Variants in PRKG1 observed in about 807,000 individuals in gnomAD.
PRKG1 encodes cGMP-dependent protein kinase 1.
In PRKG1, 35 loss-of-function variants were observed where a neutral mutation model predicts 88.1. That is an observed-to-expected ratio of 0.40 (90% confidence interval 0.30 to 0.53). PRKG1 has a LOEUF of 0.53. Among genes scored for constraint, PRKG1 ranks in the 20% least tolerant of loss-of-function variants. The pLI, the probability that PRKG1 is intolerant of heterozygous loss-of-function variation, is 0.59. For missense variants in PRKG1, 540 were observed against 839.8 expected, an observed-to-expected ratio of 0.64 and a Z score of 4.41; for synonymous variants, 303 against 292.5, an observed-to-expected ratio of 1.04 and a Z score of -0.37.
intron 2 of PRKG1, among the ~76,000 whole-genome samples, chr10:51,313,309 C>G (rs180993166): frequency 1.3e-5 from 2 of 152,128 alleles, no homozygotes; most frequent in African/African-American, 4.8e-5. Flanking sequence ...ATCTATTCCC[C>G]TTTCTAGATG....
chr10:51,316,241 T>A (rs1192493006), intron 2 of PRKG1, among the ~76,000 whole-genome samples: 1 of 152,252 alleles, frequency 6.6e-6, no homozygotes, highest in Non-Finnish European at 1.5e-5. Context: ...TATGAGATAC[T>A]ACTTTGATTG....
chr10:52,226,770 A>G (rs1246320231), intron 9 of PRKG1, among the ~76,000 whole-genome samples: 1 of 142,872 alleles, frequency 7.0e-6, no homozygotes, highest in Admixed American at 7.0e-5. Context: ...TGTATATATC[A>G]CAAAGGAACA....
intron 9 of PRKG1, among the ~76,000 whole-genome samples, chr10:52,196,987 ATAG>A (rs1200427639): frequency 2.0e-5 from 3 of 152,206 alleles, no homozygotes; most frequent in Admixed American, 6.5e-5. Context: ...AATAATAATA[ATAG>A]TAGCCACAAT....
intron 14 of PRKG1, among the ~76,000 whole-genome samples, chr10:52,284,645 G>A (rs1471769015): frequency 1.3e-5 from 2 of 151,988 alleles, no homozygotes; most frequent in Non-Finnish European, 2.9e-5. Flanking sequence ...AAAGTATTTT[G>A]GTCCTGAATG....
chr10:51,223,305 A>C (rs1363022509), intron 2 of PRKG1, among the ~76,000 whole-genome samples: 1 of 152,188 alleles, frequency 6.6e-6, no homozygotes, highest in Admixed American at 6.5e-5. Context: ...TATTATTTTA[A>C]TATCACAAGC....
chr10:51,540,259 TA>T (rs1421644846), intron 3 of PRKG1, among the ~76,000 whole-genome samples: 7 of 152,352 alleles, frequency 4.6e-5, no homozygotes, highest in Non-Finnish European at 5.9e-5. Flanking sequence ...TCATTAGTTT[TA>T]AAATATGTAA....
intron 9 of PRKG1, among the ~76,000 whole-genome samples, chr10:52,177,389 T>C (rs1838894773): frequency 6.6e-6 from 1 of 152,118 alleles, no homozygotes. Flanking sequence ...TGATGTATTG[T>C]TGGATTCAGT....
rs951334822 is a variant in PRKG1, at chr10:52,034,442, A to G, written c.763-20042A>G. ...TTAGAAGAAACATTTGTCATATAGAATGATTGGTGATGGCCTAGATATGGA... is the reference window on the plus strand; with the variant it reads ...TTAGAAGAAACATTTGTCATATAGAGTGATTGGTGATGGCCTAGATATGGA... On this transcript the variant is annotated intron_variant, in intron 5 of 17. Coordinates refer to ENST00000373980, the MANE Select transcript of PRKG1 (RefSeq NM_006258.4). 2.7e-5 allele frequency among the ~76,000 whole-genome samples: 4 copies of G among 150,310 alleles called. No homozygotes were observed. In the Admixed American group the frequency reaches 2.7e-4, roughly 10 times the overall value.
chr10:51,226,348 C>CGTT (rs534788717), intron 2 of PRKG1, among the ~76,000 whole-genome samples: 17 of 152,082 alleles, frequency 1.1e-4, no homozygotes, highest in Non-Finnish European at 2.4e-4. Flanking sequence ...TCAAACTTTA[C>CGTT]GTTGTTGTTG....
chr10:51,420,381 AC>A (rs1469601050), intron 2 of PRKG1, among the ~76,000 whole-genome samples: 2 of 151,932 alleles, frequency 1.3e-5, no homozygotes, highest in Admixed American at 6.6e-5. Flanking sequence ...ATTTGTTGGG[AC>A]TCCAGATTTC....
chr10:51,021,200 T>G (rs1444183418), intron 1 of PRKG1, among the ~76,000 whole-genome samples: 2 of 152,148 alleles, frequency 1.3e-5, no homozygotes. Context: ...AAAAGTAGAT[T>G]AATTTTGATA....
chr10:51,594,587 G>A (rs913444094), intron 3 of PRKG1, among the ~76,000 whole-genome samples: 23 of 152,184 alleles, frequency 1.5e-4, no homozygotes, highest in African/African-American at 4.3e-4. Context: ...TGTTGATAAG[G>A]TTCCTCAAAT....
At chr10:52,163,854 T>C (rs1400782476) in intron 9 of PRKG1, among the ~76,000 whole-genome samples, 1 of 152,198 alleles carries the variant, frequency 6.6e-6, no homozygotes, top group Non-Finnish European at 1.5e-5. Flanking sequence ...TTCTTAACTT[T>C]GGAAGAAAAT....
chr10:51,449,580 C>T (rs540947285), intron 2 of PRKG1, among the ~76,000 whole-genome samples: 6 of 55,926 alleles, frequency 1.1e-4, no homozygotes, highest in African/African-American at 3.9e-4. Context: ...TGTGCTGCTA[C>T]GGTGATGTAC....
intron 2 of PRKG1, among the ~76,000 whole-genome samples, chr10:51,405,805 G>T (rs540836259): frequency 6.6e-6 from 1 of 152,148 alleles, no homozygotes; most frequent in Non-Finnish European, 1.5e-5. Flanking sequence ...TGGAAACCAC[G>T]TGGGGTTCAT....
chr10:51,249,487 T>C (rs1205721711), intron 2 of PRKG1, among the ~76,000 whole-genome samples: 2 of 151,858 alleles, frequency 1.3e-5, no homozygotes, highest in African/African-American at 4.8e-5. Context: ...CCTATTCTCT[T>C]GGCTATTTAA....
chr10:51,905,864 T>G (rs181834571), intron 4 of PRKG1, among the ~76,000 whole-genome samples: 101 of 152,304 alleles, frequency 6.6e-4, no homozygotes, highest in Non-Finnish European at 7.5e-4. Flanking sequence ...CAAAATATGT[T>G]GTTTGTTATT....
At chr10:52,162,434 A>C (rs1306549602) in intron 9 of PRKG1, among the ~76,000 whole-genome samples, 2 of 152,158 alleles carry the variant, frequency 1.3e-5, no homozygotes, top group African/African-American at 2.4e-5. Context: ...ATGTTGCATA[A>C]AAATACAATT....
intron 2 of PRKG1, among the ~76,000 whole-genome samples, chr10:51,435,243 TTTGC>T (rs1838888129): frequency 6.6e-6 from 1 of 151,892 alleles, no homozygotes; most frequent in African/African-American, 2.4e-5. Context: ...GCATTATGTG[TTTGC>T]TTGTTTGTTT....
Sources: allele counts gnomAD v4.1 joint callset (sites outside exome capture counted in the v4.1 genomes callset), GRCh38; gene constraint gnomAD v4.1.1; transcripts MANE v1.5; gene names NCBI Gene and HGNC (gene_info 2026-07-23, HGNC 2026-07-21).